ARSK: variants seen among roughly 807,000 people sequenced by gnomAD.
ARSK encodes the protein arylsulfatase family member K.
In ARSK, 37 loss-of-function variants were observed where a neutral mutation model predicts 53.2. That is an observed-to-expected ratio of 0.70 (90% CI 0.54 to 0.92). ARSK has a LOEUF of 0.92. Ranked by LOEUF, ARSK falls within the 40% of genes least tolerant of loss-of-function variation. The probability of loss-of-function intolerance (pLI) is 0.00; values close to 1 mark genes in which losing one functional copy is unlikely to be tolerated. For synonymous variants in ARSK, 208 were observed against 223.2 expected (o/e 0.93, Z 0.61); for missense variants, 613 against 643.0 (o/e 0.95, Z 0.51).
intron 3 of ARSK, chr5:95,580,910 A>G: frequency 7.8e-7 from 1 of 1,288,414 alleles, no homozygotes; most frequent in South Asian, 1.2e-5. Flanking sequence ...AACGTGGGTC[A>G]ACTAATCAAA....
At chr5:95,561,153 C>A (rs1346329567) in intron 1 of ARSK, among the ~76,000 whole-genome samples, 1 of 152,040 alleles carries the variant, frequency 6.6e-6, no homozygotes, top group African/African-American at 2.4e-5. Flanking sequence ...ACGCAGATGA[C>A]AAATAAATAC....
chr5:95,603,639 G>C lies in ARSK; in HGVS notation c.*113G>C. ...AATTACCAAGTTTTGGCCGGGCACA[G>C]TGGCTCACACCTGTAATCCCAGGAC... On this transcript the variant is annotated 3_prime_UTR_variant, in exon 8 of 8. Coordinates refer to ENST00000380009, the MANE Select transcript of ARSK (RefSeq NM_198150.3). The C allele has an allele frequency of 1.0e-6, 1 of 976,950 alleles. No individual in the cohort carries two copies. The highest frequency in any genetic ancestry group is 1.4e-6 in the Non-Finnish European group (1 of 706,438). The allele number at this position is 976,950 out of a possible 1,614,324, so 60.5% of individuals were successfully genotyped here.
At chr5:95,587,960 A>G (rs907782565) in intron 5 of ARSK, among the ~76,000 whole-genome samples, 3 of 152,138 alleles carry the variant, frequency 2.0e-5, no homozygotes, top group African/African-American at 7.2e-5. Context: ...CAAGTACTCA[A>G]TGCAAATAAG....
Position 95,594,730 on chromosome 5 carries a change from C to T in ARSK, c.1096+3105C>T, listed in dbSNP as rs1215037439. Among the ~76,000 whole-genome samples the T allele has an allele frequency of 3.3e-5, 5 of 152,074 alleles. No homozygotes were observed. The East Asian group carries it at 9.7e-4, about 29-fold the overall frequency. ...TGGCAGGCGCCTGTAGTCCCAGCTA[C>T]TTGAGAGGCTGAGGCAGGAGAATGG... is the stretch of plus-strand genomic sequence containing the variant. On this transcript the variant is annotated intron_variant, in intron 6 of 7. Coordinates refer to ENST00000380009, the MANE Select transcript of ARSK (RefSeq NM_198150.3).
Position 95,575,910 on chromosome 5 carries a change from C to T in ARSK, c.417-7006C>T, listed in dbSNP as rs189379962. Among the ~76,000 whole-genome samples, 86 of 152,276 alleles carry T rather than the reference C, an allele frequency of 5.6e-4. 1 individual carries two copies. Among genetic ancestry groups the T allele is most frequent in the African/African-American group, 2.0e-3 (84 of 41,552 alleles). On this transcript the variant is annotated intron_variant, in intron 3 of 7. Coordinates refer to ENST00000380009, the MANE Select transcript of ARSK (RefSeq NM_198150.3). ...CTCTTATCTTATTAGCTAGGACTTC[C>T]AGTACTATGTTCAATAACAGTGGTG... is the stretch of plus-strand genomic sequence containing the variant.
chr5:95,558,057 G>T (rs1405157105), intron 1 of ARSK, among the ~76,000 whole-genome samples: 2 of 152,158 alleles, frequency 1.3e-5, no homozygotes, highest in Non-Finnish European at 2.9e-5. Flanking sequence ...CTCCCCCTCG[G>T]CTCCCAATCA....
In ARSK at chr5:95,600,851, T is replaced by C. The variant is rs1451088906; in HGVS notation, c.1101T>C (p.Ile367=). 6.2e-7 allele frequency: 1 copy of C among 1,612,464 alleles called. No homozygotes were observed. The highest frequency in any genetic ancestry group is 2.2e-5 in the East Asian group (1 of 44,864). Residue 367 remains isoleucine (I), a synonymous_variant, in exon 7 of 8, where the codon ATT becomes ATC. Transcript: ENST00000380009. The part of the protein sequence containing the change: ...LVDIYPTMLD[I]AGIPLPQNLS... ...TTGGTTATTTTTGTTACATAGATAT[T>C]GCTGGAATTCCTCTGCCTCAGAACC...
At position 95,603,887 on chromosome 5, in the gene ARSK, C is replaced by G. The variant is rs1749456840; in HGVS notation, c.*361C>G. On this transcript the variant is annotated 3_prime_UTR_variant, in exon 8 of 8. Coordinates refer to ENST00000380009, the MANE Select transcript of ARSK (RefSeq NM_198150.3). ...GCGCCACTGTACTCCAGCCTGGCAA[C>G]AGAGTGAGACTGTGTCGCAAAAAAA... is the stretch of plus-strand genomic sequence containing the variant. 2 of 154,206 alleles carry G rather than the reference C, an allele frequency of 1.3e-5. No homozygotes were observed. The highest frequency in any genetic ancestry group is 2.4e-5 in the African/African-American group (1 of 41,476). 9.6% of individuals were successfully genotyped at this position (154,206 alleles called of 1,614,324 possible).
Position 95,565,999 on chromosome 5 carries a change from A to T in ARSK, c.128A>T (p.Asp43Val), listed in dbSNP as rs377076352. 83 of 1,607,696 alleles carry T rather than the reference A, an allele frequency of 5.2e-5. No individual in the cohort carries two copies. The highest frequency in any genetic ancestry group is 6.5e-5 in the Non-Finnish European group (77 of 1,177,912). The stretch of plus-strand genomic sequence containing the variant: ...CTAATTAAATTTCTTTATTTCCAGG[A>T]TGGAAGGTTAACATTTCATCCAGGA... ...NVVLVVSDSFDGRLTFHPGSQ... is the reference protein window; with the variant it reads ...NVVLVVSDSFVGRLTFHPGSQ... Residue 43 changes from aspartate to valine, a missense_variant and splice_region_variant, in exon 2 of 8, where the codon GAT (aspartate) becomes GTT (valine). Asp to Val is a radical substitution (Grantham distance 152, BLOSUM62 -3). Coordinates refer to ENST00000380009, the MANE Select transcript of ARSK (RefSeq NM_198150.3).
At chr5:95,579,965 G>A (rs1386991990) in intron 3 of ARSK, among the ~76,000 whole-genome samples, 2 of 152,150 alleles carry the variant, frequency 1.3e-5, no homozygotes, top group African/African-American at 2.4e-5. Context: ...CTGTTATTAC[G>A]ACAATAGTTT....
At chr5:95,580,186 A>G (rs968096109) in intron 3 of ARSK, among the ~76,000 whole-genome samples, 3 of 152,214 alleles carry the variant, frequency 2.0e-5, no homozygotes, top group Non-Finnish European at 4.4e-5. Context: ...AGTCCTTTTT[A>G]ATTGTCCTGA....
chr5:95,555,247 C>T lies in ARSK; in HGVS notation c.-32C>T. ...AGAACGCCAGAGGGAGGCGGCTGGCCCGGCGGCAGGCTCTCAGAACCGCTA... is the reference window on the plus strand; with the variant it reads ...AGAACGCCAGAGGGAGGCGGCTGGCTCGGCGGCAGGCTCTCAGAACCGCTA... On this transcript the variant is annotated 5_prime_UTR_variant, in exon 1 of 8. Coordinates refer to ENST00000380009, the MANE Select transcript of ARSK (RefSeq NM_198150.3). This position sits in a 1 kb window ranked among gnomAD's most constrained non-coding sequence, Gnocchi z 4.0. 2 of 1,565,100 alleles carry T rather than the reference C, an allele frequency of 1.3e-6. No individual in the cohort carries two copies. Among genetic ancestry groups the T allele is most frequent in the Non-Finnish European group, 1.7e-6 (2 of 1,158,038 alleles).
In ARSK at chr5:95,588,788, C is replaced by G. The variant is rs144656554; in HGVS notation, c.871+2055C>G. ...ACCATCCTGGCCAACATGATGAAAC[C>G]CCATCTCTACTAAAAATACAAAAAT... On this transcript the variant is annotated intron_variant, in intron 5 of 7. Transcript: ENST00000380009. Among the ~76,000 whole-genome samples the G allele has an allele frequency of 8.4e-3, 1,278 of 151,868 alleles. 14 individuals are homozygous for G. The highest frequency in any genetic ancestry group is 0.029 in the African/African-American group (1,214 of 41,392).
rs747728896 is a variant in ARSK at position 95,591,391 on chromosome 5, T to C, written c.872-10T>C. The C allele has an allele frequency of 1.3e-6, 2 of 1,592,834 alleles. No individual in the cohort carries two copies. The highest frequency in any genetic ancestry group is 1.7e-6 in the Non-Finnish European group (2 of 1,160,776). ...AAGTTTTAATCGGTTTATCATGATT[T>C]CTATTGTAGGTGAAATTATTTTGGC... On this transcript the variant is annotated splice_polypyrimidine_tract_variant and intron_variant, in intron 5 of 7. Coordinates refer to ENST00000380009, the MANE Select transcript of ARSK (RefSeq NM_198150.3).
At chr5:95,565,331 C>T (rs1748708074) in intron 1 of ARSK, among the ~76,000 whole-genome samples, 1 of 152,206 alleles carries the variant, frequency 6.6e-6, no homozygotes, top group Non-Finnish European at 1.5e-5. Flanking sequence ...TATCCTCCCA[C>T]CTCAGCCTCC....
At chr5:95,597,901 A>AC (rs1425573073) in intron 6 of ARSK, among the ~76,000 whole-genome samples, 1 of 142,522 alleles carries the variant, frequency 7.0e-6, no homozygotes, top group African/African-American at 2.7e-5. Flanking sequence ...CTCAAAAAAA[A>AC]AAAGTGGGGG....
At chr5:95,556,299 G>A in intron 1 of ARSK, 1 of 698,846 alleles carries the variant, frequency 1.4e-6, no homozygotes, top group Admixed American at 2.0e-5. Context: ...TAAACTTAGA[G>A]AATGGGCAGT....
At position 95,603,340 on chromosome 5, in the gene ARSK, A is replaced by C. The variant is rs955501642; in HGVS notation, c.1425A>C (p.Lys475Asn). ...QKLHSIINYP[K>N]VSASVHQYNK... The stretch of plus-strand genomic sequence containing the variant: ...TTCATTCCATTATAAACTACCCTAA[A>C]GTTTCTGCTTCTGTCCACCAGTATA... Residue 475 changes from lysine (K) to asparagine (N), a missense_variant, in exon 8 of 8, where the codon AAA becomes AAC. Physicochemically the swap from Lys to Asn is moderately conservative, Grantham distance 94. Transcript: ENST00000380009. 1 of 1,612,806 alleles carries C rather than the reference A, an allele frequency of 6.2e-7. No individual in the cohort carries two copies. The highest frequency in any genetic ancestry group is 1.3e-5 in the African/African-American group (1 of 74,924).
chr5:95,590,179 G>T (rs1406002042), intron 5 of ARSK, among the ~76,000 whole-genome samples: 2 of 152,180 alleles, frequency 1.3e-5, no homozygotes, highest in African/African-American at 4.8e-5. Flanking sequence ...ATGCATGTTT[G>T]AGCTGGGTCA....
Sources: gnomAD v4.1 joint callset for allele counts (sites outside exome capture counted in the v4.1 genomes callset) on GRCh38, gnomAD v4.1.1 for gene constraint, Gnocchi (gnomAD v3.1) non-coding constraint, MANE v1.5 for transcripts, NCBI Gene and HGNC (gene_info 2026-07-23, HGNC 2026-07-21) for gene names.